The following ZNF846 variants were observed in gnomAD, a reference collection of about 807,000 sequenced individuals.
ZNF846 encodes zinc finger protein 846.
Under a neutral mutation model 16.0 loss-of-function variants are expected in ZNF846, and 15 were observed. The ratio of observed to expected loss-of-function variants is 0.94; its 90% CI spans 0.63 to 1.45. ZNF846 has a LOEUF of 1.45. Among genes scored for constraint, ZNF846 ranks in the 40% most tolerant of loss-of-function variants. The pLI is 0.00. For missense variants in ZNF846, 714 were observed against 622.3 expected (o/e 1.15, Z -1.57); for synonymous variants, 229 against 212.0 (o/e 1.08, Z -0.70).
chr19:9,777,262 T>C (rs1013062682), intron 1 of ZNF846, among the ~76,000 whole-genome samples: 22 of 150,652 alleles, frequency 1.5e-4, no homozygotes, highest in Non-Finnish European at 2.8e-4. Flanking sequence ...AACCCAGGAG[T>C]TTCAGGCTGC....
chr19:9,754,813 C>T (rs1194887087), downstream of ZNF846, among the ~76,000 whole-genome samples: 3 of 150,028 alleles, frequency 2.0e-5, no homozygotes, highest in East Asian at 1.9e-4. Flanking sequence ...ATCTTTTTTT[C>T]GTCTCATTTT....
downstream of ZNF846, among the ~76,000 whole-genome samples, chr19:9,749,137 G>A (rs2045065360): frequency 6.6e-6 from 1 of 152,134 alleles, no homozygotes; most frequent in South Asian, 2.1e-4. Flanking sequence ...CCTCCTGGAA[G>A]TCTCAAGCAC....
downstream of ZNF846, among the ~76,000 whole-genome samples, chr19:9,755,869 T>C (rs1388811200): frequency 2.1e-5 from 3 of 142,350 alleles, no homozygotes; most frequent in African/African-American, 5.4e-5. Flanking sequence ...GAGATGGAGT[T>C]TTGCTCTGTC....
chr19:9,757,534 A>T lies in ZNF846; in HGVS notation c.1543T>A (p.Phe515Ile), dbSNP rs767610923. Residue 515 changes from phenylalanine (F) to isoleucine (I), a missense_variant, in exon 6 of 6, where the codon TTC becomes ATC. Coordinates refer to ENST00000397902, the Ensembl canonical transcript of ZNF846. The stretch of plus-strand genomic sequence containing the variant: ...TTAGCAAGTGCTGAAGATTGAGTGA[A>T]GTTTTTCCCACATTTCTTACATTCA... 3 of 1,611,618 alleles carry T rather than the reference A, an allele frequency of 1.9e-6. No individual in the cohort carries two copies. The African/African-American group carries it at 4.0e-5, about 22-fold the overall frequency.
rs148036057 is a variant in ZNF846 at position 9,763,442 on chromosome 19, G to C, written c.16-34C>G. 229 of 1,560,196 alleles carry C rather than the reference G, an allele frequency of 1.5e-4. 1 individual carries two copies. In the African/African-American group the frequency reaches 2.8e-3, roughly 19 times the overall value. On this transcript the variant is annotated intron_variant, in intron 2 of 5. Coordinates refer to ENST00000397902, the Ensembl canonical transcript of ZNF846. ...TTAAATACATGCCAGCTTCAGCTAA[G>C]TACCATCTCCTTTGATGTTCTGAGA...
At chr19:9,763,360 A>T (rs1206806581) in exon 3 of ZNF846, 4 of 1,611,008 alleles carry the variant, frequency 2.5e-6, no homozygotes, top group Non-Finnish European at 3.4e-6. Context: ...AACAAAGTCC[A>T]CTCCTCCTGG....
downstream of ZNF846, among the ~76,000 whole-genome samples, chr19:9,751,429 C>T (rs139964582): frequency 1.3e-3 from 203 of 152,132 alleles, no homozygotes; most frequent in African/African-American, 4.4e-3. Flanking sequence ...AATGTAAGGT[C>T]CTCTGAGCTG....
downstream of ZNF846, among the ~76,000 whole-genome samples, chr19:9,751,240 A>G (rs1260132689): frequency 1.3e-5 from 2 of 151,878 alleles, no homozygotes; most frequent in Admixed American, 1.3e-4. Context: ...TTACCCCAAA[A>G]TCTTACTTCA....
chr19:9,760,735 T>C (rs1191330612), intron 4 of ZNF846, among the ~76,000 whole-genome samples: 2 of 151,098 alleles, frequency 1.3e-5, no homozygotes, highest in Non-Finnish European at 2.9e-5. Flanking sequence ...CATATATATA[T>C]AGCTAAGTGA....
At chr19:9,783,447 A>G (rs1403998678) in intron 1 of ZNF846, among the ~76,000 whole-genome samples, 1 of 146,440 alleles carries the variant, frequency 6.8e-6, no homozygotes, top group Non-Finnish European at 1.5e-5. Context: ...CCAGGAGTTC[A>G]AGGCTGCAGT....
rs74183307 is a variant in ZNF846, at chr19:9,783,218, C to CTTT, written c.-86+2717_-86+2719dup. The stretch of plus-strand genomic sequence containing the variant: ...AGTACCTGGACTTCTCCCTATAATT[C>CTTT]TTTTTTTTTTTTTTTTTTTTTTTTT... On this transcript the variant is annotated intron_variant, in intron 1 of 4. Transcript: ENST00000586814. 1.3e-3 allele frequency among the ~76,000 whole-genome samples: 86 copies of CTTT among 65,404 alleles called. 14 individuals carry two copies. The highest frequency in any genetic ancestry group is 2.8e-3 in the African/African-American group (44 of 15,820). The allele number at this position is 65,404 out of a possible 152,430, so 42.9% of individuals were successfully genotyped here. A position where few individuals can be genotyped will look rare whatever the true frequency, so the allele number is the denominator to read the frequency against.
downstream of ZNF846, among the ~76,000 whole-genome samples, chr19:9,754,567 A>C (rs1258960731): frequency 8.2e-5 from 12 of 146,274 alleles, no homozygotes; most frequent in South Asian, 8.6e-4. Flanking sequence ...TCTGTCTTAA[A>C]AAAAAAAAAA....
chr19:9,756,658 T>G (rs1304044622), downstream of ZNF846: 1 of 151,382 alleles, frequency 6.6e-6, no homozygotes, highest in African/African-American at 2.5e-5. Context: ...TTCTTTGATG[T>G]TGAGTTATTA....
chr19:9,772,229 G>C (rs1421933714), upstream of ZNF846, among the ~76,000 whole-genome samples: 1 of 152,164 alleles, frequency 6.6e-6, no homozygotes, highest in African/African-American at 2.4e-5. Flanking sequence ...TATTCCCAGT[G>C]CTCCATAACT....
chr19:9,756,271 AT>A (rs1313093387), downstream of ZNF846: 2 of 145,670 alleles, frequency 1.4e-5, no homozygotes, highest in Non-Finnish European at 3.0e-5. Flanking sequence ...ATGAATTATC[AT>A]TTATATTAAA....
At chr19:9,765,856 C>T (rs1314136796) in intron 1 of ZNF846, among the ~76,000 whole-genome samples, 1 of 149,980 alleles carries the variant, frequency 6.7e-6, no homozygotes, top group East Asian at 2.0e-4. Context: ...ATGCTTGAGG[C>T]CAGGAGTTAG....
intron 1 of ZNF846, among the ~76,000 whole-genome samples, chr19:9,766,307 G>A (rs1251173836): frequency 6.6e-6 from 1 of 151,534 alleles, no homozygotes; most frequent in Admixed American, 6.6e-5. Flanking sequence ...CCAGCTACTC[G>A]GGAGGCTAAG....
chr19:9,757,602 T>C (rs10420364), exon 6 of ZNF846: 340,374 of 1,613,154 alleles, frequency 0.21, 40,957 homozygotes, highest in African/African-American at 0.41. Flanking sequence ...AACGTTAAGG[T>C]ATGTGGAATA....
chr19:9,759,488 A>C (rs879860807), intron 5 of ZNF846, among the ~76,000 whole-genome samples: 84 of 151,784 alleles, frequency 5.5e-4, no homozygotes, highest in Non-Finnish European at 1.3e-4. Flanking sequence ...CTGTAGTCTC[A>C]GCTATTCAGG....
Sources: allele counts gnomAD v4.1 joint callset (sites outside exome capture counted in the v4.1 genomes callset), GRCh38; gene constraint gnomAD v4.1.1; transcripts MANE v1.5; gene names NCBI Gene and HGNC (gene_info 2026-07-23, HGNC 2026-07-21).